Variants in CACNG3 observed in about 807,000 individuals in gnomAD.
CACNG3 encodes the protein calcium voltage-gated channel auxiliary subunit gamma 3.
In CACNG3, 3 loss-of-function variants were observed where a neutral mutation model predicts 28.5. That is an observed-to-expected ratio of 0.11 (90% CI 0.05 to 0.27). The LOEUF is 0.27. Ranked by LOEUF, CACNG3 falls within the 10% of genes least tolerant of loss-of-function variation. The probability of loss-of-function intolerance (pLI) is 1.00; values close to 1 mark genes in which losing one functional copy is unlikely to be tolerated. For missense variants in CACNG3, 236 were observed against 414.4 expected, an observed-to-expected ratio of 0.57 and a Z score of 3.74; for synonymous variants, 174 against 162.2, an observed-to-expected ratio of 1.07 and a Z score of -0.55.
In CACNG3 at chr16:24,354,949, G is replaced by A; in HGVS notation, c.412G>A (p.Ala138Thr). 1 of 1,612,806 alleles carries A rather than the reference G, an allele frequency of 6.2e-7. No individual in the cohort carries two copies. Among genetic ancestry groups the A allele is most frequent in the Non-Finnish European group, 8.5e-7 (1 of 1,179,988 alleles). Residue 138 changes from alanine to threonine, a missense_variant, in exon 3 of 4, where the codon GCG (alanine) becomes ACG (threonine). Physicochemically the swap from Ala to Thr is moderately conservative, Grantham distance 58 (BLOSUM62 0). Transcript: ENST00000005284. The stretch of plus-strand genomic sequence containing the variant: ...CAGCAGACACAACGTCATTCTCAGC[G>A]CGGGCATCTTTTTTGTCTCTGCAGG... ...HRSRHNVILS[A>T]GIFFVSAGLS...
intron 1 of CACNG3, among the ~76,000 whole-genome samples, chr16:24,332,416 G>A (rs911670367): frequency 2.7e-5 from 4 of 149,002 alleles, no homozygotes; most frequent in African/African-American, 7.4e-5. Context: ...AGTGAGCCAT[G>A]ATTGTGCCAC....
chr16:24,291,273 C>T (rs1236639824), intron 1 of CACNG3, among the ~76,000 whole-genome samples: 3 of 152,136 alleles, frequency 2.0e-5, no homozygotes, highest in African/African-American at 7.2e-5. Context: ...CTGGCTTGAT[C>T]CAAAGGGACA....
chr16:24,333,868 G>A (rs1270074410), intron 1 of CACNG3, among the ~76,000 whole-genome samples: 5 of 152,038 alleles, frequency 3.3e-5, no homozygotes, highest in Admixed American at 3.3e-4. Flanking sequence ...GGAGAGGAGA[G>A]GAGAGGACAG....
chr16:24,353,957 T>C (rs1006418376), intron 2 of CACNG3, among the ~76,000 whole-genome samples: 1 of 151,790 alleles, frequency 6.6e-6, no homozygotes, highest in Non-Finnish European at 1.5e-5. Flanking sequence ...CTTTGAGAGG[T>C]TGAGGCAGGA....
At chr16:24,275,850 G>A (rs1898745830) in intron 1 of CACNG3, among the ~76,000 whole-genome samples, 1 of 152,194 alleles carries the variant, frequency 6.6e-6, no homozygotes, top group African/African-American at 2.4e-5. Context: ...AATGACCAAT[G>A]AATGATGTTA....
chr16:24,314,888 G>A (rs1166377247), intron 1 of CACNG3, among the ~76,000 whole-genome samples: 1 of 152,052 alleles, frequency 6.6e-6, no homozygotes, highest in African/African-American at 2.4e-5. Flanking sequence ...GGGTTATGAT[G>A]ATCGAAAAAC....
intron 1 of CACNG3, among the ~76,000 whole-genome samples, chr16:24,328,958 C>A (rs1445797060): frequency 6.6e-6 from 1 of 152,168 alleles, no homozygotes; most frequent in Non-Finnish European, 1.5e-5. Context: ...CAGAGACAGC[C>A]CCCGCCACAC....
chr16:24,306,623 G>A (rs957152879), intron 1 of CACNG3, among the ~76,000 whole-genome samples: 1 of 151,938 alleles, frequency 6.6e-6, no homozygotes, highest in Non-Finnish European at 1.5e-5. Flanking sequence ...TCTGCCCCAC[G>A]CCAAATTCCT....
At chr16:24,339,534 C>T (rs748990811) in intron 1 of CACNG3, among the ~76,000 whole-genome samples, 2 of 151,914 alleles carry the variant, frequency 1.3e-5, no homozygotes, top group South Asian at 2.1e-4. Context: ...TATAGGTGCC[C>T]GCCACCACGC....
At chr16:24,290,782 G>C (rs1329764672) in intron 1 of CACNG3, among the ~76,000 whole-genome samples, 1 of 152,004 alleles carries the variant, frequency 6.6e-6, no homozygotes, top group Non-Finnish European at 1.5e-5. Flanking sequence ...TATATGTGAA[G>C]TGTTTATCAC....
intron 1 of CACNG3, among the ~76,000 whole-genome samples, chr16:24,317,893 G>A (rs868726612): frequency 2.5e-4 from 38 of 152,238 alleles, no homozygotes; most frequent in African/African-American, 7.5e-4. Context: ...GTGATGAGAG[G>A]TGAGAATTCC....
intron 1 of CACNG3, among the ~76,000 whole-genome samples, chr16:24,269,305 A>G (rs1164712894): frequency 1.3e-5 from 2 of 152,196 alleles, no homozygotes; most frequent in Non-Finnish European, 2.9e-5. Flanking sequence ...AATTACCTTA[A>G]GCTTTTCCTA....
chr16:24,356,267 C>A (rs1040205706), intron 3 of CACNG3, among the ~76,000 whole-genome samples: 3 of 152,114 alleles, frequency 2.0e-5, no homozygotes, highest in East Asian at 1.9e-4. Context: ...ATGGGGACAG[C>A]GGTGGAGAGT....
At chr16:24,337,934 G>C (rs1286239840) in intron 1 of CACNG3, among the ~76,000 whole-genome samples, 1 of 151,632 alleles carries the variant, frequency 6.6e-6, no homozygotes, top group Non-Finnish European at 1.5e-5. Context: ...GAGAGCTAAA[G>C]GGACAGCTAG....
At chr16:24,269,819 A>G (rs1898663677) in intron 1 of CACNG3, among the ~76,000 whole-genome samples, 1 of 148,990 alleles carries the variant, frequency 6.7e-6, no homozygotes. Flanking sequence ...GAAAGAAAGG[A>G]GAAAGAAAGA....
intron 1 of CACNG3, among the ~76,000 whole-genome samples, chr16:24,258,894 A>G (rs569812678): frequency 6.6e-6 from 1 of 152,218 alleles, no homozygotes; most frequent in Non-Finnish European, 1.5e-5. Flanking sequence ...CTATGAAAAA[A>G]ATATATATCT....
intron 1 of CACNG3, among the ~76,000 whole-genome samples, chr16:24,330,886 C>G (rs916966712): frequency 2.0e-5 from 3 of 152,182 alleles, no homozygotes; most frequent in African/African-American, 7.2e-5. Context: ...ACCACCCTAC[C>G]CTCACAGATC....
chr16:24,288,096 T>G (rs1184714630), intron 1 of CACNG3, among the ~76,000 whole-genome samples: 1 of 152,196 alleles, frequency 6.6e-6, no homozygotes, highest in African/African-American at 2.4e-5. Flanking sequence ...CTCTTTGAAA[T>G]AGGCGTAATT....
intron 1 of CACNG3, among the ~76,000 whole-genome samples, chr16:24,257,962 AG>A (rs1567427783): frequency 6.6e-6 from 1 of 152,174 alleles, no homozygotes; most frequent in African/African-American, 2.4e-5. Context: ...AGAAAATCAA[AG>A]CTCTTTGGAG....
Sources: gnomAD v4.1 joint callset for allele counts (sites outside exome capture counted in the v4.1 genomes callset) on GRCh38, gnomAD v4.1.1 for gene constraint, MANE v1.5 for transcripts, NCBI Gene and HGNC (gene_info 2026-07-23, HGNC 2026-07-21) for gene names.